PRMT9: variants seen among roughly 807,000 people sequenced by gnomAD.
The protein encoded by PRMT9 is protein arginine methyltransferase 9.
A neutral mutation model predicts 83.2 loss-of-function variants in PRMT9; 59 were observed. The ratio of observed to expected loss-of-function variants is 0.71; its 90% CI spans 0.57 to 0.88. The LOEUF (loss-of-function observed/expected upper bound fraction) is 0.88. PRMT9 is among the 40% of genes least tolerant of loss of function. PRMT9 has a pLI of 0.00. For synonymous variants in PRMT9, 333 were observed against 353.2 expected, an observed-to-expected ratio of 0.94 and a Z score of 0.64; for missense variants, 947 against 1,021.9, an observed-to-expected ratio of 0.93 and a Z score of 1.00.
intron 10 of PRMT9, among the ~76,000 whole-genome samples, chr4:147,640,859 C>G (rs1318253621): frequency 6.6e-6 from 1 of 152,070 alleles, no homozygotes; most frequent in African/African-American, 2.4e-5. Flanking sequence ...GTAGCTGGGA[C>G]TAGAGGGGCA....
intron 3 of PRMT9, among the ~76,000 whole-genome samples, chr4:147,673,375 A>G (rs1735859627): frequency 6.6e-6 from 1 of 152,216 alleles, no homozygotes; most frequent in Non-Finnish European, 1.5e-5. Context: ...GCTTTAACTT[A>G]GACAACTAGA....
chr4:147,664,912 C>T (rs1481959817), intron 6 of PRMT9, among the ~76,000 whole-genome samples: 1 of 151,578 alleles, frequency 6.6e-6, no homozygotes, highest in Non-Finnish European at 1.5e-5. Flanking sequence ...GTCGGGAGTT[C>T]GAGACCAACC....
Position 147,642,862 on chromosome 4 carries a change from G to A in PRMT9, c.2124C>T (p.Leu708=), listed in dbSNP as rs1266802792. 1 of 1,613,608 alleles carries A rather than the reference G, an allele frequency of 6.2e-7. No individual in the cohort carries two copies. The highest frequency in any genetic ancestry group is 1.7e-5 in the Admixed American group (1 of 60,024). The part of the protein sequence containing the change: ...MFGLLVESQT[L]LEENAVQGTE... ...TTCCTTGAACAGCATTCTCCTCTAG[G>A]AGTGTCTGTGATTCCACAAGCAACC... Residue 708 remains leucine, a synonymous_variant, in exon 10 of 12, where the codon CTC becomes CTT. Coordinates refer to ENST00000322396, the MANE Select transcript of PRMT9 (RefSeq NM_138364.4).
chr4:147,652,257 C>A (rs1734158037), intron 9 of PRMT9, among the ~76,000 whole-genome samples: 2 of 151,736 alleles, frequency 1.3e-5, no homozygotes, highest in South Asian at 4.2e-4. Flanking sequence ...TATAAAAAGG[C>A]CTCCACAAAA....
intron 6 of PRMT9, among the ~76,000 whole-genome samples, chr4:147,662,157 T>C (rs2654948): frequency 0.86 from 131,196 of 152,160 alleles, 58,770 homozygotes; most frequent in Non-Finnish European, 0.98. Flanking sequence ...AACAGACAAA[T>C]CTAGTATAGT....
intron 7 of PRMT9, 42 bp from the exon 8 acceptor site, chr4:147,658,017 C>A: frequency 7.8e-6 from 10 of 1,275,392 alleles, no homozygotes; most frequent in Non-Finnish European, 1.1e-5. Context: ...TTATATATTT[C>A]ATATATACTT....
chr4:147,674,743 A>G (rs1356017231), intron 2 of PRMT9, among the ~76,000 whole-genome samples: 1 of 152,078 alleles, frequency 6.6e-6, no homozygotes, highest in Non-Finnish European at 1.5e-5. Context: ...TGATCTATAT[A>G]CTCTCTTCTG....
At chr4:147,665,937 T>C (rs773924056) in intron 6 of PRMT9, among the ~76,000 whole-genome samples, 12 of 152,308 alleles carry the variant, frequency 7.9e-5, no homozygotes, top group East Asian at 1.9e-4. Context: ...ACTGCACACA[T>C]GTATGAGTAT....
In PRMT9 at chr4:147,673,065, AC is replaced by A; in HGVS notation, c.636del (p.Met212IlefsTer28). 1 of 1,613,946 alleles carries A rather than the reference AC, an allele frequency of 6.2e-7. No homozygotes were observed. The highest frequency in any genetic ancestry group is 8.5e-7 in the Non-Finnish European group (1 of 1,179,842). ...GCCACGACATCACAGGCAAGTTCAT[AC>A]ATGGTCTTGGATAACTCACAGGCAT... is the stretch of plus-strand genomic sequence containing the variant. Reference protein sequence around the residue: ...SVYACELSKTMYELACDVVAA... With the variant: ...SVYACELSKTXYELACDVVAA... On this transcript the variant is annotated frameshift_variant, in exon 4 of 12. Transcript: ENST00000322396. LOFTEE classifies it high-confidence loss of function.
chr4:147,670,774 A>C, intron 4 of PRMT9, 31 bp from the exon 5 acceptor site: 1 of 1,357,636 alleles, frequency 7.4e-7, no homozygotes, highest in South Asian at 1.2e-5. Context: ...GATATATGTA[A>C]GTAAAATATC....
Position 147,673,296 on chromosome 4 carries a change from T to C in PRMT9, c.576-170A>G, listed in dbSNP as rs149856748. Among the ~76,000 whole-genome samples, 314 of 152,298 alleles carry C rather than the reference T, an allele frequency of 2.1e-3. 1 individual carries two copies. The highest frequency in any genetic ancestry group is 0.014 in the Middle Eastern group (4 of 294). Reference sequence around the variant, plus strand: ...AATATTCTTGTCTAGAAACAAATCATACAATAAACCATGGGATCTACTCTA... The same window carrying C: ...AATATTCTTGTCTAGAAACAAATCACACAATAAACCATGGGATCTACTCTA... On this transcript the variant is annotated intron_variant, in intron 3 of 11. Coordinates refer to ENST00000322396, the MANE Select transcript of PRMT9 (RefSeq NM_138364.4).
At position 147,668,656 on chromosome 4, in the gene PRMT9, TAAC is replaced by T. The variant is rs1412344502; in HGVS notation, c.847-14_847-12del. The T allele has an allele frequency of 5.5e-6, 8 of 1,443,618 alleles. No individual in the cohort carries two copies. Among genetic ancestry groups the T allele is most frequent in the South Asian group, 2.3e-5 (2 of 87,416 alleles). 89.4% of individuals were successfully genotyped at this position (1,443,618 alleles called of 1,614,324 possible). ...ACTTTCACCTTTGGTCTAAAAAAAATAACAATAAGAATTATGTTATCACATGTA... is the reference window on the plus strand; with the variant it reads ...ACTTTCACCTTTGGTCTAAAAAAAATAATAAGAATTATGTTATCACATGTA... On this transcript the variant is annotated splice_polypyrimidine_tract_variant and intron_variant, in intron 5 of 11. Transcript: ENST00000322396.
At chr4:147,673,319 CTAT>C (rs1735856999) in intron 3 of PRMT9, among the ~76,000 whole-genome samples, 193 bp from the exon 4 acceptor site, 1 of 152,156 alleles carries the variant, frequency 6.6e-6, no homozygotes, top group Non-Finnish European at 1.5e-5. Flanking sequence ...GGGATCTACT[CTAT>C]TAAAGACACA....
intron 9 of PRMT9, among the ~76,000 whole-genome samples, chr4:147,648,892 G>A (rs1309734625): frequency 6.6e-6 from 1 of 152,076 alleles, no homozygotes; most frequent in Non-Finnish European, 1.5e-5. Flanking sequence ...TCAGATCTTA[G>A]CTATGTTCAG....
rs1560962912 is a variant in PRMT9, at chr4:147,640,092, A to ATTTTTTTTTTTT, written c.2200-1011_2200-1010insAAAAAAAAAAAA. ...TTTTTTTTTTTTTTTTTTTTTTTTAATATAGGGTCTCACTCTGTTCCCCAG... is the reference window on the plus strand; with the variant it reads ...TTTTTTTTTTTTTTTTTTTTTTTTAATTTTTTTTTTTTTATAGGGTCTCACTCTGTTCCCCAG... On this transcript the variant is annotated intron_variant, in intron 10 of 11. Coordinates refer to ENST00000322396, the MANE Select transcript of PRMT9 (RefSeq NM_138364.4). Among the ~76,000 whole-genome samples the ATTTTTTTTTTTT allele has an allele frequency of 8.5e-5, 6 of 70,384 alleles. 1 individual carries two copies. The highest frequency in any genetic ancestry group is 9.9e-4 in the South Asian group (2 of 2,020). The allele number at this position is 70,384 out of a possible 152,430, so 46.2% of individuals were successfully genotyped here.
At position 147,638,381 on chromosome 4, in the gene PRMT9, A is replaced by C; in HGVS notation, c.*151T>G. 1.5e-5 allele frequency: 10 copies of C among 657,542 alleles called. No individual in the cohort carries two copies. The South Asian group carries it at 1.8e-4, about 12-fold the overall frequency. 40.7% of individuals were successfully genotyped at this position (657,542 alleles called of 1,614,324 possible). ...ATTTCTATAATAATGCTACCCTTTT[A>C]TTTAGAATCTTTTAAAATATGCTTT... On this transcript the variant is annotated 3_prime_UTR_variant, in exon 12 of 12. Transcript: ENST00000322396.
At chr4:147,649,821 A>C (rs1251422506) in intron 9 of PRMT9, among the ~76,000 whole-genome samples, 3 of 152,146 alleles carry the variant, frequency 2.0e-5, no homozygotes, top group Admixed American at 6.5e-5. Flanking sequence ...AACATTTAAA[A>C]ACAACTGCAG....
rs573361138 is a variant in PRMT9 at position 147,680,483 on chromosome 4, A to C, written c.190-12T>G. ...TACTGAAAAGTTTCCTTTACAAATA[A>C]GAAAAAAATTATGAATTAGTCAATA... On this transcript the variant is annotated splice_polypyrimidine_tract_variant and intron_variant, in intron 1 of 11. Coordinates refer to ENST00000322396, the MANE Select transcript of PRMT9 (RefSeq NM_138364.4). 2 of 1,597,300 alleles carry C rather than the reference A, an allele frequency of 1.3e-6. No individual in the cohort carries two copies. Among genetic ancestry groups the C allele is most frequent in the South Asian group, 2.2e-5 (2 of 90,144 alleles).
chr4:147,678,132 T>A (rs1056587817), intron 2 of PRMT9, among the ~76,000 whole-genome samples: 1 of 152,172 alleles, frequency 6.6e-6, no homozygotes, highest in African/African-American at 2.4e-5. Context: ...GAGACAAAGG[T>A]AGCAGATTGA....
Sources: gnomAD v4.1 joint callset for allele counts (sites outside exome capture counted in the v4.1 genomes callset) on GRCh38, gnomAD v4.1.1 for gene constraint, MANE v1.5 for transcripts, NCBI Gene and HGNC (gene_info 2026-07-23, HGNC 2026-07-21) for gene names.